The following TRMT11 variants were observed in gnomAD, a reference collection of about 807,000 sequenced individuals.
The protein encoded by TRMT11 is tRNA (guanine(10)-N(2))-methyltransferase TRMT11.
In TRMT11, 53 loss-of-function variants were observed where a neutral mutation model predicts 62.8. The observed-to-expected ratio is 0.84, with a 90% CI of 0.68 to 1.06. TRMT11 has a LOEUF of 1.06. Among genes scored for constraint, TRMT11 ranks in the 50% least tolerant of loss-of-function variants. The pLI is 0.00. For synonymous variants in TRMT11, 188 were observed against 190.3 expected (o/e 0.99, Z 0.10); for missense variants, 556 against 553.4 (o/e 1.00, Z -0.05).
intron 12 of TRMT11, 81 bp from the exon 13 acceptor site, chr6:126,038,624 T>C (rs1475538806): frequency 7.9e-7 from 1 of 1,268,992 alleles, no homozygotes; most frequent in East Asian, 2.6e-5. Flanking sequence ...TTGCTTAAGA[T>C]TTTGCTTAAG....
At chr6:126,054,840 T>G (rs1776322793) in intron 17 of TRMT11, among the ~76,000 whole-genome samples, 1 of 152,224 alleles carries the variant, frequency 6.6e-6, no homozygotes, top group African/African-American at 2.4e-5. Flanking sequence ...CTCTGCTGTC[T>G]TCTGAGACAC....
At chr6:126,216,948 C>T in the TRMT11 span, among the ~76,000 whole-genome samples, 7 of 152,034 alleles carry the variant, frequency 4.6e-5, no homozygotes, top group African/African-American at 1.2e-4. Context: ...CTTTTGTCTC[C>T]TCTGACAGTG....
chr6:126,043,308 GT>G (rs1775938739), downstream of TRMT11, among the ~76,000 whole-genome samples: 1 of 149,206 alleles, frequency 6.7e-6, no homozygotes, highest in Non-Finnish European at 1.5e-5. Context: ...GCGGTGTTTT[GT>G]TTTTTGTTCT....
chr6:126,020,223 G>A (rs578124332), intron 11 of TRMT11, among the ~76,000 whole-genome samples: 71 of 152,324 alleles, frequency 4.7e-4, no homozygotes, highest in Non-Finnish European at 7.1e-4. Context: ...AAGATTACCT[G>A]TATAATAAAT....
the TRMT11 span, among the ~76,000 whole-genome samples, chr6:126,225,889 C>T: frequency 2.8e-4 from 42 of 152,006 alleles, no homozygotes; most frequent in African/African-American, 9.9e-4. Flanking sequence ...GGGGTTTCAC[C>T]ACGTTAGCCA....
intron 21 of TRMT11, among the ~76,000 whole-genome samples, chr6:126,121,192 C>G (rs1262175031): frequency 6.6e-6 from 1 of 152,042 alleles, no homozygotes; most frequent in Non-Finnish European, 1.5e-5. Context: ...TTTGTATTCC[C>G]CATGTCTTGC....
At chr6:126,162,545 C>G (rs9375426) in intron 21 of TRMT11, among the ~76,000 whole-genome samples, 48,440 of 151,990 alleles carry the variant, frequency 0.32, 9,356 homozygotes, top group African/African-American at 0.54. Flanking sequence ...GGCTATGCAG[C>G]CTCTTTTTTG....
the TRMT11 span, among the ~76,000 whole-genome samples, chr6:126,232,058 T>C: frequency 2.0e-5 from 3 of 152,162 alleles, no homozygotes; most frequent in Admixed American, 6.6e-5. Context: ...GTAAATCTTC[T>C]GGTGGGACCC....
At chr6:126,208,134 G>A (rs1363124603), downstream of TRMT11, among the ~76,000 whole-genome samples, 1 of 152,198 alleles carries the variant, frequency 6.6e-6, no homozygotes, top group East Asian at 1.9e-4. Flanking sequence ...GTATCAGGAG[G>A]AAGCAGCCCA....
chr6:126,059,909 A>G (rs540366017), intron 17 of TRMT11, among the ~76,000 whole-genome samples: 1 of 152,332 alleles, frequency 6.6e-6, no homozygotes, highest in Non-Finnish European at 1.5e-5. Context: ...TGAGGCATTC[A>G]TTGGCATGGA....
the TRMT11 span, among the ~76,000 whole-genome samples, chr6:126,232,930 A>G: frequency 6.6e-6 from 1 of 151,892 alleles, no homozygotes; most frequent in Non-Finnish European, 1.5e-5. Flanking sequence ...TAAATGTTTC[A>G]TTTTTTTCTT....
chr6:126,267,268 A>G, the TRMT11 span, among the ~76,000 whole-genome samples: 1 of 152,224 alleles, frequency 6.6e-6, no homozygotes, highest in East Asian at 1.9e-4. Context: ...TTTAATGTAC[A>G]TGTGATATAA....
intron 1 of TRMT11, among the ~76,000 whole-genome samples, chr6:126,178,106 C>A (rs1264240935): frequency 1.3e-5 from 2 of 152,168 alleles, no homozygotes; most frequent in Non-Finnish European, 2.9e-5. Flanking sequence ...ACATTATTTT[C>A]TTATTTCATC....
At position 126,093,631 on chromosome 6, in the gene TRMT11, A is replaced by ATATATATTTTTTTT. The variant is rs1554236842; in HGVS notation, c.*1438-19234_*1438-19233insATATATTTTTTTTT. On this transcript the variant is annotated intron_variant and NMD_transcript_variant, in intron 17 of 22. Transcript: ENST00000648977. The stretch of plus-strand genomic sequence containing the variant: ...TATATATATATATATATATATATAT[A>ATATATATTTTTTTT]TTTTCCCCCAGTCCTGGAGGATCAA... 1.2e-4 allele frequency among the ~76,000 whole-genome samples: 12 copies of ATATATATTTTTTTT among 98,014 alleles called. 1 individual carries two copies. Among genetic ancestry groups the ATATATATTTTTTTT allele is most frequent in the African/African-American group, 4.8e-4 (11 of 22,926 alleles). 64.3% of individuals were successfully genotyped at this position (98,014 alleles called of 152,430 possible). A position where few individuals can be genotyped will look rare whatever the true frequency, so the allele number is the denominator to read the frequency against.
chr6:126,085,409 C>A (rs1410437588), intron 17 of TRMT11, among the ~76,000 whole-genome samples: 1 of 152,120 alleles, frequency 6.6e-6, no homozygotes, highest in Non-Finnish European at 1.5e-5. Flanking sequence ...TCATAGGAGG[C>A]CTTTTTCCCA....
intron 1 of TRMT11, among the ~76,000 whole-genome samples, chr6:126,187,146 T>C (rs541319305): frequency 6.6e-6 from 1 of 151,938 alleles, no homozygotes; most frequent in Non-Finnish European, 1.5e-5. Flanking sequence ...AATAAACTCA[T>C]GTAAATTTGA....
chr6:126,064,471 G>A (rs1349011354), intron 17 of TRMT11, among the ~76,000 whole-genome samples: 1 of 152,104 alleles, frequency 6.6e-6, no homozygotes, highest in East Asian at 1.9e-4. Flanking sequence ...GTAAGGGTAA[G>A]TGAGGCAGGA....
upstream of TRMT11, among the ~76,000 whole-genome samples, chr6:126,176,976 A>C (rs1473562437): frequency 6.6e-6 from 1 of 152,032 alleles, no homozygotes; most frequent in Non-Finnish European, 1.5e-5. Context: ...AATTAAAGTT[A>C]ATTTTACCTA....
intron 3 of TRMT11, among the ~76,000 whole-genome samples, chr6:126,201,401 C>T (rs1207799137): frequency 6.6e-6 from 1 of 152,212 alleles, no homozygotes; most frequent in African/African-American, 2.4e-5. Context: ...CACAATCTTT[C>T]ATTTGTATAT....
Sources: allele counts gnomAD v4.1 joint callset (sites outside exome capture counted in the v4.1 genomes callset), GRCh38; gene constraint gnomAD v4.1.1; transcripts MANE v1.5; gene names NCBI Gene and HGNC (gene_info 2026-07-23, HGNC 2026-07-21).